The following CADM2 variants were observed in gnomAD, a reference collection of about 807,000 sequenced individuals.
CADM2 encodes cell adhesion molecule 2.
Under a neutral mutation model 49.8 loss-of-function variants are expected in CADM2, and 12 were observed. The ratio of observed to expected loss-of-function variants is 0.24; its 90% CI spans 0.15 to 0.39. CADM2 has a LOEUF of 0.39. CADM2 is among the 10% of genes least tolerant of loss of function. The probability of loss-of-function intolerance (pLI) is 1.00; values close to 1 mark genes in which losing one functional copy is unlikely to be tolerated. For synonymous variants in CADM2, 214 were observed against 175.4 expected, an observed-to-expected ratio of 1.22 and a Z score of -1.74; for missense variants, 378 against 492.3, an observed-to-expected ratio of 0.77 and a Z score of 2.20.
chr3:85,842,188 T>C (rs1182133578), intron 3 of CADM2, among the ~76,000 whole-genome samples: 1 of 152,066 alleles, frequency 6.6e-6, no homozygotes, highest in African/African-American at 2.4e-5. Context: ...AAATCAGCAC[T>C]AGAAGGAAAA....
rs116404908 is a variant in CADM2 at position 85,500,870 on chromosome 3, T to A, written c.62-225652T>A. Among the ~76,000 whole-genome samples, 1,520 of 152,138 alleles carry A rather than the reference T, an allele frequency of 1.0e-2. 22 individuals carry two copies. The highest frequency in any genetic ancestry group is 0.033 in the African/African-American group (1,383 of 41,460). ...CCTATTGTTGAGATTATGTTTGCCA[T>A]GCAGTCACTGAAATTTCTCAAGGTC... On this transcript the variant is annotated intron_variant, in intron 1 of 9. Coordinates refer to ENST00000383699, the MANE Select transcript of CADM2 (RefSeq NM_001167675.2).
chr3:85,277,153 A>T (rs947216751), intron 1 of CADM2, among the ~76,000 whole-genome samples: 1 of 151,356 alleles, frequency 6.6e-6, no homozygotes, highest in East Asian at 1.9e-4. Flanking sequence ...TTATGTTTTT[A>T]AAAAATAAAT....
chr3:86,003,984 G>A (rs1452267539), intron 8 of CADM2, among the ~76,000 whole-genome samples: 1 of 152,038 alleles, frequency 6.6e-6, no homozygotes, highest in East Asian at 1.9e-4. Context: ...ATAGGTACTT[G>A]GAGCCAATGG....
At chr3:85,696,766 A>G (rs908601778) in intron 1 of CADM2, among the ~76,000 whole-genome samples, 2 of 151,992 alleles carry the variant, frequency 1.3e-5, no homozygotes, top group Admixed American at 1.3e-4. Context: ...CTACTAAGAC[A>G]TTATTATAGA....
chr3:85,431,860 C>CATATGTATATGTATATATATATATATAT lies in CADM2; in HGVS notation c.62-294658_62-294657insGTATATGTATATATATATATATATATAT, dbSNP rs139257494. 9.7e-5 allele frequency among the ~76,000 whole-genome samples: 5 copies of CATATGTATATGTATATATATATATATAT among 51,812 alleles called. 1 individual carries two copies. Among genetic ancestry groups the CATATGTATATGTATATATATATATATAT allele is most frequent in the African/African-American group, 1.6e-4 (3 of 18,284 alleles). 34.0% of individuals were successfully genotyped at this position (51,812 alleles called of 152,430 possible). A position where few individuals can be genotyped will look rare whatever the true frequency, so the allele number is the denominator to read the frequency against. Reference sequence around the variant, plus strand: ...AACACCATGGTCTTATGCTTAATTGCATATATATATATGCCATGCTCTTTC... The same window carrying CATATGTATATGTATATATATATATATAT: ...AACACCATGGTCTTATGCTTAATTGCATATGTATATGTATATATATATATATATATATATATATATGCCATGCTCTTTC... On this transcript the variant is annotated intron_variant, in intron 1 of 9. Coordinates refer to ENST00000383699, the MANE Select transcript of CADM2 (RefSeq NM_001167675.2).
At chr3:85,295,697 A>T (rs2043941638) in intron 1 of CADM2, among the ~76,000 whole-genome samples, 1 of 151,454 alleles carries the variant, frequency 6.6e-6, no homozygotes, top group South Asian at 2.1e-4. Flanking sequence ...AGAACAAAAA[A>T]CCAAACACTC....
chr3:85,225,084 G>A (rs941406661), intron 1 of CADM2, among the ~76,000 whole-genome samples: 13 of 152,104 alleles, frequency 8.5e-5, no homozygotes, highest in Non-Finnish European at 1.6e-4. Context: ...GGCTATGCTC[G>A]CTCTTTTTTG....
intron 1 of CADM2, among the ~76,000 whole-genome samples, chr3:85,243,966 C>T (rs970205151): frequency 1.3e-5 from 2 of 151,856 alleles, no homozygotes; most frequent in Non-Finnish European, 1.5e-5. Context: ...ATCTCAACCC[C>T]TATTGTGTAG....
chr3:85,271,057 A>C (rs1430899790), intron 1 of CADM2, among the ~76,000 whole-genome samples: 1 of 151,310 alleles, frequency 6.6e-6, no homozygotes, highest in Admixed American at 6.6e-5. Context: ...AATCACTCTG[A>C]CTGAAACACC....
chr3:85,362,941 G>A (rs918608280), intron 1 of CADM2, among the ~76,000 whole-genome samples: 1 of 152,102 alleles, frequency 6.6e-6, no homozygotes, highest in Non-Finnish European at 1.5e-5. Context: ...GAGAGTCTCA[G>A]GGCATCTCTA....
chr3:85,441,741 T>A (rs1301842206), intron 1 of CADM2, among the ~76,000 whole-genome samples: 1 of 152,038 alleles, frequency 6.6e-6, no homozygotes, highest in East Asian at 1.9e-4. Context: ...GATAATTACA[T>A]GTGAAAGAAA....
chr3:85,942,076 A>G lies in CADM2; in HGVS notation c.791+6219A>G, dbSNP rs1303399766. Among the ~76,000 whole-genome samples, 3 of 152,114 alleles carry G rather than the reference A, an allele frequency of 2.0e-5. No individual in the cohort carries two copies. The South Asian group carries it at 6.2e-4, about 31-fold the overall frequency. ...GATTACAAACAAGTTTCCCTTTTGT[A>G]TTAACAACAATGATGATTGTATTTT... On this transcript the variant is annotated intron_variant, in intron 7 of 9. Coordinates refer to ENST00000383699, the MANE Select transcript of CADM2 (RefSeq NM_001167675.2).
intron 3 of CADM2, among the ~76,000 whole-genome samples, chr3:85,865,355 A>G (rs1225057437): frequency 6.6e-6 from 1 of 152,166 alleles, no homozygotes; most frequent in Non-Finnish European, 1.5e-5. Context: ...TATTTAAAAG[A>G]TTGGTCCTCC....
intron 1 of CADM2, among the ~76,000 whole-genome samples, chr3:85,614,651 G>T (rs1559943988): frequency 1.3e-5 from 2 of 151,744 alleles, no homozygotes; most frequent in African/African-American, 4.8e-5. Context: ...TTCAGGAATT[G>T]TGTGATGCAC....
At chr3:85,522,511 G>A (rs556817828) in intron 1 of CADM2, among the ~76,000 whole-genome samples, 4 of 152,214 alleles carry the variant, frequency 2.6e-5, no homozygotes, top group South Asian at 2.1e-4. Flanking sequence ...AAATTGTGAT[G>A]TAGCAAATAT....
chr3:85,878,347 T>C (rs1712228207), intron 3 of CADM2, among the ~76,000 whole-genome samples: 1 of 152,142 alleles, frequency 6.6e-6, no homozygotes, highest in Non-Finnish European at 1.5e-5. Flanking sequence ...GATTAAACTA[T>C]AATGAAGCTT....
At chr3:85,721,008 A>C in intron 1 of CADM2, among the ~76,000 whole-genome samples, 1 of 152,190 alleles carries the variant, frequency 6.6e-6, no homozygotes. Flanking sequence ...TCGACGCAGT[A>C]GATTTTAAAA....
chr3:85,759,076 G>T (rs1015233321), intron 2 of CADM2, among the ~76,000 whole-genome samples: 8 of 152,014 alleles, frequency 5.3e-5, no homozygotes, highest in Non-Finnish European at 1.2e-4. Flanking sequence ...ACTATACAGA[G>T]AGGGAATCAA....
chr3:84,971,184 C>A (rs1337969472), intron 1 of CADM2, among the ~76,000 whole-genome samples: 2 of 152,054 alleles, frequency 1.3e-5, no homozygotes, highest in Non-Finnish European at 2.9e-5. Context: ...AAAAGCATTT[C>A]AGACCAACAT....
Sources: gnomAD v4.1 joint callset for allele counts (sites outside exome capture counted in the v4.1 genomes callset) on GRCh38, gnomAD v4.1.1 for gene constraint, MANE v1.5 for transcripts, NCBI Gene and HGNC (gene_info 2026-07-23, HGNC 2026-07-21) for gene names.